The following LUZP2 variants were observed in gnomAD, a reference collection of about 807,000 sequenced individuals.
The protein encoded by LUZP2 is leucine zipper protein 2.
Under a neutral mutation model 51.6 loss-of-function variants are expected in LUZP2, and 52 were observed. The observed-to-expected ratio is 1.01, with a 90% CI of 0.81 to 1.27. LUZP2 has a LOEUF of 1.27. Among genes scored for constraint, LUZP2 ranks in the 50% most tolerant of loss-of-function variants. The pLI is 0.00. For synonymous variants in LUZP2, 154 were observed against 137.3 expected, an observed-to-expected ratio of 1.12 and a Z score of -0.85; for missense variants, 436 against 395.4, an observed-to-expected ratio of 1.10 and a Z score of -0.87.
chr11:24,629,059 T>A (rs1854786558), intron 1 of LUZP2, among the ~76,000 whole-genome samples: 1 of 152,158 alleles, frequency 6.6e-6, no homozygotes. Flanking sequence ...GATAAATTTA[T>A]CTTATCAGCT....
chr11:24,661,391 A>C (rs1796016883), intron 1 of LUZP2, among the ~76,000 whole-genome samples: 1 of 152,218 alleles, frequency 6.6e-6, no homozygotes, highest in Non-Finnish European at 1.5e-5. Context: ...GTGCCAACTT[A>C]GAAACGCACT....
chr11:24,667,759 A>G (rs1400123868), intron 1 of LUZP2, among the ~76,000 whole-genome samples: 3 of 152,212 alleles, frequency 2.0e-5, no homozygotes, highest in Non-Finnish European at 2.9e-5. Flanking sequence ...ACAGAATTTT[A>G]TGGACTCTTG....
chr11:24,897,767 T>C (rs569428400), intron 5 of LUZP2, among the ~76,000 whole-genome samples: 4 of 152,306 alleles, frequency 2.6e-5, no homozygotes, highest in South Asian at 4.1e-4. Context: ...GTATGACTTG[T>C]TGGGAAAATA....
rs138554284 is a variant in LUZP2 at position 24,914,510 on chromosome 11, G to A, written c.494G>A (p.Arg165His). The A allele has an allele frequency of 2.4e-5, 38 of 1,609,232 alleles. No homozygotes were observed. The highest frequency in any genetic ancestry group is 4.4e-5 in the South Asian group (4 of 90,084). The change falls in exon 7 of 12, where the codon CGT becomes CAT. Residue 165 changes from arginine to histidine, a missense_variant. Physicochemically the swap from Arg to His is conservative, Grantham distance 29. Coordinates refer to ENST00000336930, the MANE Select transcript of LUZP2 (RefSeq NM_001009909.4). ...ATCCAAGCCCAGCTGAAGGAGCTTC[G>A]TTATGGGAAGAAGGATTTATTATTT... Reference protein sequence around the residue: ...KKIQAQLKELRYGKKDLLFKA... With the variant: ...KKIQAQLKELHYGKKDLLFKA...
At chr11:24,657,292 A>G (rs1485255367) in intron 1 of LUZP2, among the ~76,000 whole-genome samples, 1 of 152,222 alleles carries the variant, frequency 6.6e-6, no homozygotes, top group Non-Finnish European at 1.5e-5. Context: ...AATGTGGATT[A>G]TTAGAAAAAG....
chr11:24,535,909 T>C (rs1851162629), intron 1 of LUZP2, among the ~76,000 whole-genome samples: 1 of 151,730 alleles, frequency 6.6e-6, no homozygotes, highest in Non-Finnish European at 1.5e-5. Flanking sequence ...AAAATGTTTT[T>C]TTTAAATAAT....
intron 1 of LUZP2, among the ~76,000 whole-genome samples, chr11:24,645,730 GT>G (rs1702191421): frequency 6.6e-6 from 1 of 151,836 alleles, no homozygotes; most frequent in African/African-American, 2.4e-5. Context: ...TTCAATTGCA[GT>G]AATATCTGGC....
chr11:24,910,785 C>T lies in LUZP2; in HGVS notation c.460-3691C>T, dbSNP rs114270630. On this transcript the variant is annotated intron_variant, in intron 6 of 11. Transcript: ENST00000336930. Reference sequence around the variant, plus strand: ...TTGGAGTTCTACACAGAGTCACCACCGCATCACTGCCTAGTGGAGCTGTGA... The same window carrying T: ...TTGGAGTTCTACACAGAGTCACCACTGCATCACTGCCTAGTGGAGCTGTGA... 6.4e-3 allele frequency among the ~76,000 whole-genome samples: 973 copies of T among 152,260 alleles called. 12 individuals are homozygous for T. The highest frequency in any genetic ancestry group is 0.02 in the African/African-American group (851 of 41,556).
At chr11:24,616,640 T>G (rs1443534299) in intron 1 of LUZP2, among the ~76,000 whole-genome samples, 1 of 152,178 alleles carries the variant, frequency 6.6e-6, no homozygotes, top group South Asian at 2.1e-4. Flanking sequence ...TTCTGAGTTG[T>G]CAGTGGTGTT....
intron 1 of LUZP2, among the ~76,000 whole-genome samples, chr11:24,717,268 C>T (rs1234001976): frequency 2.0e-5 from 3 of 152,030 alleles, no homozygotes; most frequent in Non-Finnish European, 2.9e-5. Flanking sequence ...CAAATAAAAA[C>T]AATGTAGTCT....
intron 1 of LUZP2, among the ~76,000 whole-genome samples, chr11:24,553,927 A>G (rs904561365): frequency 1.3e-5 from 2 of 152,186 alleles, no homozygotes; most frequent in East Asian, 3.9e-4. Flanking sequence ...GGCTAAAAAG[A>G]CTTTGAAAGT....
intron 5 of LUZP2, among the ~76,000 whole-genome samples, chr11:24,849,520 T>C (rs766816434): frequency 1.2e-4 from 19 of 152,154 alleles, no homozygotes; most frequent in Non-Finnish European, 2.2e-4. Context: ...TTCTTCATAG[T>C]CTATCATTCA....
chr11:25,076,387 G>A (rs1016957766), intron 10 of LUZP2, among the ~76,000 whole-genome samples: 10 of 152,108 alleles, frequency 6.6e-5, no homozygotes, highest in Non-Finnish European at 1.3e-4. Flanking sequence ...TGCCTTGCAC[G>A]TGGAAAAGAT....
chr11:24,529,050 T>C (rs376883139), intron 1 of LUZP2, among the ~76,000 whole-genome samples: 140 of 151,128 alleles, frequency 9.3e-4, no homozygotes, highest in African/African-American at 3.3e-3. Flanking sequence ...AAACTCGCAG[T>C]GCAAATCAGG....
chr11:24,658,417 A>C (rs1324271853), intron 1 of LUZP2, among the ~76,000 whole-genome samples: 2 of 152,196 alleles, frequency 1.3e-5, no homozygotes, highest in Non-Finnish European at 2.9e-5. Flanking sequence ...CTTATAGAAA[A>C]ATTAATTCAA....
At chr11:24,602,236 G>A (rs200146083) in intron 1 of LUZP2, among the ~76,000 whole-genome samples, 349 of 13,732 alleles carry the variant, frequency 0.025, 2 homozygotes, top group Non-Finnish European at 0.19. Context: ...ACATATATGT[G>A]TATATATGTA....
intron 1 of LUZP2, among the ~76,000 whole-genome samples, chr11:24,618,861 A>T (rs1454088790): frequency 6.6e-6 from 1 of 152,090 alleles, no homozygotes; most frequent in East Asian, 1.9e-4. Context: ...CTGATTATTG[A>T]GCATCCTTGG....
At chr11:24,739,101 G>GGGC (rs769584137) in intron 4 of LUZP2, among the ~76,000 whole-genome samples, 11 of 152,074 alleles carry the variant, frequency 7.2e-5, no homozygotes, top group Non-Finnish European at 1.6e-4. Context: ...AGTTCTAGCT[G>GGGC]CACACCACAG....
intron 7 of LUZP2, among the ~76,000 whole-genome samples, chr11:24,927,102 T>A (rs1854302591): frequency 6.6e-6 from 1 of 151,756 alleles, no homozygotes; most frequent in African/African-American, 2.4e-5. Flanking sequence ...GATCTTTTTT[T>A]TTTTCTTTTT....
Sources: allele counts gnomAD v4.1 joint callset (sites outside exome capture counted in the v4.1 genomes callset), GRCh38; gene constraint gnomAD v4.1.1; transcripts MANE v1.5; gene names NCBI Gene and HGNC (gene_info 2026-07-23, HGNC 2026-07-21).